SPOCK1: variants seen among roughly 807,000 people sequenced by gnomAD.
SPOCK1 encodes testican-1.
Under a neutral mutation model 55.3 loss-of-function variants are expected in SPOCK1, and 23 were observed. That is an observed-to-expected ratio of 0.42 (90% CI 0.30 to 0.59). SPOCK1 has a LOEUF of 0.59. Ranked by LOEUF, SPOCK1 falls within the 20% of genes least tolerant of loss-of-function variation. SPOCK1 has a pLI of 0.22. For synonymous variants in SPOCK1, 226 were observed against 221.0 expected (o/e 1.02, Z -0.20); for missense variants, 499 against 552.5 (o/e 0.90, Z 0.97).
At chr5:136,994,193 T>TGC (rs1352193556) in intron 6 of SPOCK1, among the ~76,000 whole-genome samples, 1 of 152,216 alleles carries the variant, frequency 6.6e-6, no homozygotes, top group Non-Finnish European at 1.5e-5. Context: ...AATGAATGCA[T>TGC]GTCCAGTGTT....
At chr5:137,083,987 T>A (rs574825745) in intron 5 of SPOCK1, among the ~76,000 whole-genome samples, 182 of 152,188 alleles carry the variant, frequency 1.2e-3, no homozygotes, top group African/African-American at 4.3e-3. Flanking sequence ...AGCCTGTCAC[T>A]TACAGCTTTG....
Position 137,313,627 on chromosome 5 carries a change from A to G in SPOCK1, c.187-46572T>C, listed in dbSNP as rs2127143515. On this transcript the variant is annotated intron_variant, in intron 2 of 10. Transcript: ENST00000394945. ...GAACATATTGCTACTTTGCACAAAT[A>G]TAGATGCTCTGGGGAAAACAATCAT... 2 of 293,154 alleles carry G rather than the reference A, an allele frequency of 6.8e-6. 1 individual carries two copies. The highest frequency in any genetic ancestry group is 3.4e-3 in the Middle Eastern group (2 of 592). The allele number at this position is 293,154 out of a possible 1,614,324, so 18.2% of individuals were successfully genotyped here. A position where few individuals can be genotyped will look rare whatever the true frequency, so the allele number is the denominator to read the frequency against.
At chr5:137,418,284 T>G (rs1005300495) in intron 2 of SPOCK1, among the ~76,000 whole-genome samples, 6 of 152,168 alleles carry the variant, frequency 3.9e-5, no homozygotes, top group African/African-American at 1.4e-4. Context: ...TGTGTCTTTA[T>G]AGCAGCATGA....
chr5:137,228,409 G>A (rs569096073), intron 3 of SPOCK1, among the ~76,000 whole-genome samples: 2 of 152,212 alleles, frequency 1.3e-5, no homozygotes, highest in Admixed American at 1.3e-4. Flanking sequence ...GGGAGGCTGA[G>A]GTGGGTGGAT....
intron 3 of SPOCK1, among the ~76,000 whole-genome samples, chr5:137,147,457 G>A (rs1260339396): frequency 6.6e-6 from 1 of 152,160 alleles, no homozygotes; most frequent in Non-Finnish European, 1.5e-5. Flanking sequence ...ACAGTGCTGG[G>A]GACTAGAAGT....
intron 3 of SPOCK1, among the ~76,000 whole-genome samples, chr5:137,214,833 T>C (rs1056501469): frequency 2.6e-5 from 4 of 152,214 alleles, no homozygotes; most frequent in Non-Finnish European, 5.9e-5. Flanking sequence ...TATCAAATCA[T>C]GATCAGTTTG....
intron 3 of SPOCK1, among the ~76,000 whole-genome samples, chr5:137,184,247 A>C (rs1402524521): frequency 1.3e-5 from 2 of 152,178 alleles, no homozygotes; most frequent in Non-Finnish European, 2.9e-5. Context: ...CCAAATAAGC[A>C]CACAGTAGAC....
At chr5:137,135,054 G>A (rs369130820) in intron 4 of SPOCK1, among the ~76,000 whole-genome samples, 3 of 152,146 alleles carry the variant, frequency 2.0e-5, no homozygotes, top group South Asian at 4.1e-4. Flanking sequence ...TTGGGAAGTC[G>A]GGCCATGTCT....
At chr5:137,086,107 G>A (rs911721439) in intron 5 of SPOCK1, among the ~76,000 whole-genome samples, 4 of 152,124 alleles carry the variant, frequency 2.6e-5, no homozygotes, top group Non-Finnish European at 4.4e-5. Flanking sequence ...TTTCTCACTG[G>A]GTTAATTTGA....
At chr5:137,472,110 C>T (rs1528973) in intron 2 of SPOCK1, among the ~76,000 whole-genome samples, 40,898 of 152,088 alleles carry the variant, frequency 0.27, 5,489 homozygotes, top group Middle Eastern at 0.37. Flanking sequence ...CTCACTGCCA[C>T]GAATTCTTGG....
intron 2 of SPOCK1, among the ~76,000 whole-genome samples, chr5:137,300,401 C>A (rs1023048394): frequency 2.0e-5 from 3 of 152,178 alleles, no homozygotes; most frequent in African/African-American, 7.2e-5. Context: ...ATGACCTAGA[C>A]ACTCCTGTTT....
intron 2 of SPOCK1, among the ~76,000 whole-genome samples, chr5:137,282,718 C>T (rs1406463969): frequency 1.3e-5 from 2 of 152,210 alleles, no homozygotes; most frequent in Admixed American, 6.5e-5. Flanking sequence ...GTTTCTTCCT[C>T]CCGGTCCCTG....
intron 3 of SPOCK1, among the ~76,000 whole-genome samples, chr5:137,224,009 A>C (rs1428096950): frequency 6.6e-6 from 1 of 152,218 alleles, no homozygotes; most frequent in Non-Finnish European, 1.5e-5. Flanking sequence ...CCCCTAACTA[A>C]TGATGCCAGA....
At chr5:137,401,246 T>C (rs1398191495) in intron 2 of SPOCK1, among the ~76,000 whole-genome samples, 1 of 152,172 alleles carries the variant, frequency 6.6e-6, no homozygotes, top group Non-Finnish European at 1.5e-5. Flanking sequence ...TATCTTTCCA[T>C]CATTCCAACA....
At chr5:137,097,412 C>A (rs1205411724) in intron 5 of SPOCK1, among the ~76,000 whole-genome samples, 1 of 152,152 alleles carries the variant, frequency 6.6e-6, no homozygotes, top group Non-Finnish European at 1.5e-5. Context: ...AGATGTGAGC[C>A]GTGGCTTAGA....
chr5:137,240,520 G>A (rs902060994), intron 3 of SPOCK1, among the ~76,000 whole-genome samples: 14 of 152,146 alleles, frequency 9.2e-5, no homozygotes, highest in Admixed American at 5.9e-4. Context: ...CAGTGATCCC[G>A]ACACCTCCCA....
At chr5:137,369,099 G>A (rs150065122) in intron 2 of SPOCK1, among the ~76,000 whole-genome samples, 85 of 152,318 alleles carry the variant, frequency 5.6e-4, no homozygotes, top group African/African-American at 2.0e-3. Flanking sequence ...TGACAAGTAG[G>A]CTGAGTTGGA....
chr5:137,353,313 C>T (rs928142132), intron 2 of SPOCK1, among the ~76,000 whole-genome samples: 50 of 152,112 alleles, frequency 3.3e-4, no homozygotes, highest in African/African-American at 1.2e-3. Flanking sequence ...CCCATGAATT[C>T]GAGGCTGCAG....
chr5:137,400,811 G>C (rs1751957937), intron 2 of SPOCK1, among the ~76,000 whole-genome samples: 2 of 152,188 alleles, frequency 1.3e-5, no homozygotes. Context: ...ATGGTCCAAA[G>C]AACAGCTGGC....
Sources: allele counts gnomAD v4.1 joint callset (sites outside exome capture counted in the v4.1 genomes callset), GRCh38; gene constraint gnomAD v4.1.1; transcripts MANE v1.5; gene names NCBI Gene and HGNC (gene_info 2026-07-23, HGNC 2026-07-21).